Variants in IL1RAPL2 observed in about 807,000 individuals in gnomAD.
The protein encoded by IL1RAPL2 is interleukin 1 receptor accessory protein like 2, also known as X-linked interleukin-1 receptor accessory protein-like 2.
A neutral mutation model predicts 44.1 loss-of-function variants in IL1RAPL2; 3 were observed. The ratio of observed to expected loss-of-function variants is 0.07; its 90% CI spans 0.03 to 0.18. IL1RAPL2 has a LOEUF of 0.18. Ranked by LOEUF, IL1RAPL2 falls within the 10% of genes least tolerant of loss-of-function variation. IL1RAPL2 has a pLI of 1.00. For missense variants in IL1RAPL2, 391 were observed against 496.4 expected (o/e 0.79, Z 2.02); for synonymous variants, 181 against 178.8 (o/e 1.01, Z -0.10).
At chrX:105,140,014 C>T (rs1184974548) in intron 2 of IL1RAPL2, among the ~76,000 whole-genome samples, 1 of 111,372 alleles carries the variant, frequency 9.0e-6, no homozygotes, top group Non-Finnish European at 1.9e-5. Context: ...CATCAGGCAT[C>T]GAATGGTTCA....
intron 6 of IL1RAPL2, among the ~76,000 whole-genome samples, chrX:105,681,781 C>A (rs575125025): frequency 1.8e-5 from 2 of 111,479 alleles, no homozygotes; most frequent in African/African-American, 3.3e-5. Context: ...TATATCATAT[C>A]ATTCAGTCTT....
At chrX:104,819,320 G>T (rs1464020774) in intron 2 of IL1RAPL2, among the ~76,000 whole-genome samples, 3 of 111,962 alleles carry the variant, frequency 2.7e-5, no homozygotes, top group African/African-American at 9.7e-5. Context: ...ACATTCAGTA[G>T]AAGCTGTAAC....
chrX:104,927,003 A>G (rs905792974), intron 2 of IL1RAPL2, among the ~76,000 whole-genome samples: 38 of 111,697 alleles, frequency 3.4e-4, no homozygotes, highest in African/African-American at 1.2e-3. Flanking sequence ...CTCTGGATCT[A>G]TTTGGGAAAA....
At position 104,641,035 on chromosome X, in the gene IL1RAPL2, G is replaced by A. The variant is rs904338786; in HGVS notation, c.-19-17860G>A. Among the ~76,000 whole-genome samples, 3 of 112,150 alleles carry A rather than the reference G, an allele frequency of 2.7e-5. No individual in the cohort carries two copies. The Admixed American group carries it at 2.8e-4, about 11-fold the overall frequency. On this transcript the variant is annotated intron_variant, in intron 1 of 10. Transcript: ENST00000372582. Reference sequence around the variant, plus strand: ...CAGTGACTGGGTAGGTGGGTTCTTAGGCCCCTGAGCCACAGACAAGGCATG... The same window carrying A: ...CAGTGACTGGGTAGGTGGGTTCTTAAGCCCCTGAGCCACAGACAAGGCATG...
At position 105,621,046 on chromosome X, in the gene IL1RAPL2, A is replaced by T. The variant is rs191994837; in HGVS notation, c.773-96321A>T. On this transcript the variant is annotated intron_variant, in intron 6 of 10. Coordinates refer to ENST00000372582, the MANE Select transcript of IL1RAPL2 (RefSeq NM_017416.2). ...ATGAGAAGCCCAGGAGATGTTCTAAAGCTGAGGAGATTTATTTGATTGGTT... is the reference window on the plus strand; with the variant it reads ...ATGAGAAGCCCAGGAGATGTTCTAATGCTGAGGAGATTTATTTGATTGGTT... 2.2e-3 allele frequency among the ~76,000 whole-genome samples: 240 copies of T among 111,420 alleles called. 2 individuals are homozygous for T. Among genetic ancestry groups the T allele is most frequent in the African/African-American group, 7.5e-3 (231 of 30,764 alleles).
rs1289517343 is a variant in IL1RAPL2 at position 105,420,031 on chromosome X, T to TA, written c.698-64273dup. Among the ~76,000 whole-genome samples, 8 of 108,516 alleles carry TA rather than the reference T, an allele frequency of 7.4e-5. No individual in the cohort carries two copies. In the South Asian group the frequency reaches 1.2e-3, roughly 16 times the overall value. 94.2% of individuals were successfully genotyped at this position (108,516 alleles called of 115,157 possible). A position where few individuals can be genotyped will look rare whatever the true frequency, so the allele number is the denominator to read the frequency against. ...CAGTGTTTTGAACTTTCCTCCACAT[T>TA]AAAAAAAAATGTTGGAGATAAGAAA... On this transcript the variant is annotated intron_variant, in intron 5 of 10. Coordinates refer to ENST00000372582, the MANE Select transcript of IL1RAPL2 (RefSeq NM_017416.2).
intron 6 of IL1RAPL2, among the ~76,000 whole-genome samples, chrX:105,589,735 A>G (rs1169435901): frequency 9.0e-6 from 1 of 110,748 alleles, no homozygotes; most frequent in East Asian, 2.8e-4. Flanking sequence ...CCTTTGGTCT[A>G]TATGTCTGTT....
At chrX:105,082,355 T>C (rs1328704406) in intron 2 of IL1RAPL2, among the ~76,000 whole-genome samples, 4 of 111,928 alleles carry the variant, frequency 3.6e-5, no homozygotes, top group African/African-American at 6.5e-5. Flanking sequence ...ATCTAGTTGA[T>C]TCTTTTCTAT....
At chrX:104,996,935 C>A (rs2030759192) in intron 2 of IL1RAPL2, among the ~76,000 whole-genome samples, 1 of 111,335 alleles carries the variant, frequency 9.0e-6, no homozygotes, top group African/African-American at 3.3e-5. Context: ...GAAGATGTAG[C>A]ATCAAGGGTA....
intron 2 of IL1RAPL2, among the ~76,000 whole-genome samples, chrX:104,709,507 C>T (rs1931418162): frequency 9.1e-6 from 1 of 110,079 alleles, no homozygotes; most frequent in Non-Finnish European, 1.9e-5. Flanking sequence ...TTTGTCTTCT[C>T]CGCCATTCTC....
chrX:105,397,806 CA>C (rs1304232693), intron 5 of IL1RAPL2, among the ~76,000 whole-genome samples: 2 of 111,165 alleles, frequency 1.8e-5, no homozygotes, highest in Non-Finnish European at 3.8e-5. Flanking sequence ...GTTTAGGGCT[CA>C]AAAAATTTTT....
In IL1RAPL2 at chrX:105,351,834, G is replaced by C. The variant is rs1404777195; in HGVS notation, c.697+84293G>C. Among the ~76,000 whole-genome samples, 4 of 112,000 alleles carry C rather than the reference G, an allele frequency of 3.6e-5. No individual in the cohort carries two copies. The East Asian group carries it at 1.1e-3, about 31-fold the overall frequency. Reference sequence around the variant, plus strand: ...TGAAATATCTTTTATTTTATATAGTGACAGCATTAATAGATAATAATTTAT... The same window carrying C: ...TGAAATATCTTTTATTTTATATAGTCACAGCATTAATAGATAATAATTTAT... On this transcript the variant is annotated intron_variant, in intron 5 of 10. Coordinates refer to ENST00000372582, the MANE Select transcript of IL1RAPL2 (RefSeq NM_017416.2).
chrX:104,722,765 C>A (rs956953747), intron 2 of IL1RAPL2, among the ~76,000 whole-genome samples: 1 of 111,344 alleles, frequency 9.0e-6, no homozygotes, highest in Non-Finnish European at 1.9e-5. Flanking sequence ...ATGTGATGTA[C>A]GAGTTGTCTG....
chrX:105,077,740 T>C (rs1187667375), intron 2 of IL1RAPL2, among the ~76,000 whole-genome samples: 1 of 111,757 alleles, frequency 8.9e-6, no homozygotes, highest in African/African-American at 3.3e-5. Flanking sequence ...GCGTTGTTCA[T>C]TTCTTTTTAT....
chrX:104,770,264 T>C (rs747870981), intron 2 of IL1RAPL2, among the ~76,000 whole-genome samples: 1 of 111,633 alleles, frequency 9.0e-6, no homozygotes, highest in South Asian at 3.8e-4. Context: ...ACAACAAACA[T>C]TTCCATAGCA....
At chrX:104,959,896 A>C (rs1229859851) in intron 2 of IL1RAPL2, among the ~76,000 whole-genome samples, 4 of 111,806 alleles carry the variant, frequency 3.6e-5, no homozygotes, top group Non-Finnish European at 5.6e-5. Flanking sequence ...AGTCCTCTCT[A>C]AGGATTTCAT....
chrX:104,711,627 A>G (rs1931458079), intron 2 of IL1RAPL2, among the ~76,000 whole-genome samples: 1 of 110,337 alleles, frequency 9.1e-6, no homozygotes, highest in Non-Finnish European at 1.9e-5. Flanking sequence ...TGAGAAAAGC[A>G]AAAATGGAAA....
chrX:105,305,137 G>A (rs1348346950), intron 5 of IL1RAPL2, among the ~76,000 whole-genome samples: 3 of 111,254 alleles, frequency 2.7e-5, no homozygotes, highest in Non-Finnish European at 5.7e-5. Flanking sequence ...CTCCTTCCAG[G>A]CCCACCTCTA....
chrX:105,534,142 C>T (rs1255152485), intron 6 of IL1RAPL2, among the ~76,000 whole-genome samples: 1 of 111,945 alleles, frequency 8.9e-6, no homozygotes, highest in African/African-American at 3.2e-5. Context: ...ATTTCAGTGG[C>T]GTGCTAAAGC....
Sources: gnomAD v4.1 joint callset for allele counts (sites outside exome capture counted in the v4.1 genomes callset) on GRCh38, gnomAD v4.1.1 for gene constraint, MANE v1.5 for transcripts, NCBI Gene and HGNC (gene_info 2026-07-23, HGNC 2026-07-21) for gene names.